TRAPPC8: variants seen among roughly 807,000 people sequenced by gnomAD.
TRAPPC8 encodes trafficking protein particle complex subunit 8.
In TRAPPC8, 54 loss-of-function variants were observed where a neutral mutation model predicts 174.3. The observed-to-expected ratio is 0.31, with a 90% CI of 0.25 to 0.39. TRAPPC8 has a LOEUF of 0.39. Ranked by LOEUF, TRAPPC8 falls within the 10% of genes least tolerant of loss-of-function variation. The pLI is 1.00. For synonymous variants in TRAPPC8, 630 were observed against 579.9 expected, an observed-to-expected ratio of 1.09 and a Z score of -1.24; for missense variants, 1,531 against 1,699.1, an observed-to-expected ratio of 0.90 and a Z score of 1.74.
intron 2 of TRAPPC8, among the ~76,000 whole-genome samples, chr18:31,928,558 A>G (rs1367027322): frequency 6.6e-6 from 1 of 152,150 alleles, no homozygotes; most frequent in Non-Finnish European, 1.5e-5. Context: ...AGAAATAAAT[A>G]TAAGACAAAA....
chr18:31,837,965 C>CT (rs985325478), intron 27 of TRAPPC8, among the ~76,000 whole-genome samples: 3 of 130,500 alleles, frequency 2.3e-5, no homozygotes, highest in African/African-American at 5.8e-5. Context: ...AAAAAAATCA[C>CT]TTAAAAAAAA....
intron 12 of TRAPPC8, among the ~76,000 whole-genome samples, chr18:31,886,197 T>C (rs554285004): frequency 0.028 from 4,277 of 151,630 alleles, 76 homozygotes; most frequent in Middle Eastern, 0.055. Flanking sequence ...TTAGTAGAGA[T>C]GGGGTTTCTC....
At chr18:31,872,052 C>A (rs2034891696) in intron 14 of TRAPPC8, among the ~76,000 whole-genome samples, 1 of 151,954 alleles carries the variant, frequency 6.6e-6, no homozygotes, top group African/African-American at 2.4e-5. Flanking sequence ...GTGGCAAAGT[C>A]TGGGCTTTTC....
chr18:31,909,759 T>C lies in TRAPPC8; in HGVS notation c.773A>G (p.Glu258Gly), dbSNP rs1233262363. The C allele has an allele frequency of 8.3e-6, 13 of 1,557,334 alleles. No individual in the cohort carries two copies. In the Admixed American group the frequency reaches 8.4e-5, roughly 10 times the overall value. ...YLQKNSIQNQ[E>G]SYEDGPCTIT... Reference sequence around the variant, plus strand: ...AGTACAAGGGCCATCTTCATATGATTCCTATCAAAATAAAATTTAAAAAGC... The same window carrying C: ...AGTACAAGGGCCATCTTCATATGATCCCTATCAAAATAAAATTTAAAAAGC... The change falls in exon 6 of 29, where the codon GAA (glutamate) becomes GGA (glycine). Residue 258 changes from glutamate to glycine, a missense_variant and splice_region_variant. Transcript: ENST00000283351.
At chr18:31,908,209 A>AT in intron 8 of TRAPPC8, 94 bp downstream of exon 8, 1 of 631,642 alleles carries the variant, frequency 1.6e-6, no homozygotes, top group Non-Finnish European at 2.4e-6. Context: ...AAACTAAGAA[A>AT]TTAAAGAGAT....
At chr18:31,852,904 C>A in intron 22 of TRAPPC8, 3 of 414,836 alleles carry the variant, frequency 7.2e-6, no homozygotes, top group South Asian at 3.1e-5. Flanking sequence ...TTCATATATG[C>A]GACATTTCAG....
Position 31,909,658 on chromosome 18 carries a change from T to C in TRAPPC8, c.865+9A>G, listed in dbSNP as rs2036825553. 5 of 1,588,904 alleles carry C rather than the reference T, an allele frequency of 3.1e-6. No individual in the cohort carries two copies. The South Asian group carries it at 3.5e-5, about 11-fold the overall frequency. ...TCAAAAGAGAAACTTAGAGAAAATA[T>C]ATCAAGACCTTTGACTTCGTTATCT... On this transcript the variant is annotated intron_variant, in intron 6 of 28. Coordinates refer to ENST00000283351, the MANE Select transcript of TRAPPC8 (RefSeq NM_014939.5).
intron 2 of TRAPPC8, among the ~76,000 whole-genome samples, chr18:31,929,607 A>G (rs1470471695): frequency 6.6e-6 from 1 of 152,146 alleles, no homozygotes; most frequent in African/African-American, 2.4e-5. Context: ...TTGAGGCTAC[A>G]GTGAACTGTG....
At chr18:31,939,095 A>T (rs1232228762) in intron 1 of TRAPPC8, among the ~76,000 whole-genome samples, 32 of 150,702 alleles carry the variant, frequency 2.1e-4, no homozygotes, top group Admixed American at 2.1e-3. Context: ...AAAAAAAAAA[A>T]AAAAAAAAAG....
intron 12 of TRAPPC8, 27 bp downstream of exon 12, chr18:31,890,707 CT>C (rs780478237): frequency 6.3e-7 from 1 of 1,582,662 alleles, no homozygotes; most frequent in East Asian, 2.3e-5. Context: ...TAAATAGCAA[CT>C]TTTCATTGTA....
In TRAPPC8 at chr18:31,857,573, T is replaced by C; in HGVS notation, c.3155A>G (p.Tyr1052Cys). 6.2e-7 allele frequency: 1 copy of C among 1,606,752 alleles called. No individual in the cohort carries two copies. The highest frequency in any genetic ancestry group is 8.5e-7 in the Non-Finnish European group (1 of 1,177,202). ...TGGCTGCTTTTTGACACTTTCATAG[T>C]AAAACAAAAAGTTAATTTCATGGAC... is the stretch of plus-strand genomic sequence containing the variant. ...EGVHEINFLF[Y>C]YESVKKQPKI... Residue 1052 changes from tyrosine (Y) to cysteine (C), a missense_variant, in exon 20 of 29, where the codon TAC becomes TGC. Coordinates refer to ENST00000283351, the MANE Select transcript of TRAPPC8 (RefSeq NM_014939.5).
intron 7 of TRAPPC8, 26 bp from the exon 8 acceptor site, chr18:31,908,444 GACAA>G (rs144204119): frequency 0.03 from 41,525 of 1,394,236 alleles, 751 homozygotes; most frequent in Non-Finnish European, 0.035. Flanking sequence ...TAAATATGTT[GACAA>G]ACAAAGAATT....
At chr18:31,887,646 CAA>C (rs34562657) in intron 12 of TRAPPC8, among the ~76,000 whole-genome samples, 12 of 98,290 alleles carry the variant, frequency 1.2e-4, no homozygotes, top group South Asian at 3.4e-4. Context: ...AACTCCATCT[CAA>C]AAAAAAAAAA....
At chr18:31,877,039 T>G (rs1016990528) in intron 12 of TRAPPC8, among the ~76,000 whole-genome samples, 1 of 152,122 alleles carries the variant, frequency 6.6e-6, no homozygotes, top group East Asian at 1.9e-4. Context: ...AGAGAAGGTG[T>G]GAGACCCATG....
chr18:31,916,545 G>C, intron 3 of TRAPPC8, 99 bp from the exon 4 acceptor site: 1 of 1,243,994 alleles, frequency 8.0e-7, no homozygotes, highest in Non-Finnish European at 1.1e-6. Context: ...TTGTTTGTTT[G>C]TTTCTGAGAC....
intron 4 of TRAPPC8, 116 bp downstream of exon 4, chr18:31,916,156 A>G: frequency 2.8e-6 from 2 of 724,882 alleles, no homozygotes; most frequent in South Asian, 3.7e-5. Flanking sequence ...AATAAAATTC[A>G]CATTAAACTT....
chr18:31,868,481 C>A (rs1476466839), intron 16 of TRAPPC8, among the ~76,000 whole-genome samples: 1 of 152,096 alleles, frequency 6.6e-6, no homozygotes, highest in African/African-American at 2.4e-5. Flanking sequence ...GCTAATAAAT[C>A]TTTTTAAAAA....
chr18:31,852,413 T>A, intron 24 of TRAPPC8, 33 bp downstream of exon 24: 1 of 1,611,266 alleles, frequency 6.2e-7, no homozygotes. Context: ...AACTATGACT[T>A]AACATCAAAC....
At chr18:31,906,662 G>A (rs1285746565) in intron 9 of TRAPPC8, among the ~76,000 whole-genome samples, 1 of 152,010 alleles carries the variant, frequency 6.6e-6, no homozygotes, top group Non-Finnish European at 1.5e-5. Flanking sequence ...ATATATCTGT[G>A]GTAACTTTTC....
Sources: allele counts gnomAD v4.1 joint callset (sites outside exome capture counted in the v4.1 genomes callset), GRCh38; gene constraint gnomAD v4.1.1; transcripts MANE v1.5; gene names NCBI Gene and HGNC (gene_info 2026-07-23, HGNC 2026-07-21).